The following C1QTNF6 variants were observed in gnomAD, a reference collection of about 807,000 sequenced individuals.
C1QTNF6 encodes the protein C1q and TNF related 6.
Under a neutral mutation model 20.7 loss-of-function variants are expected in C1QTNF6, and 17 were observed. The ratio of observed to expected loss-of-function variants is 0.82; its 90% CI spans 0.56 to 1.23. The LOEUF (loss-of-function observed/expected upper bound fraction) is 1.23, where lower values mean the gene tolerates loss of function less well. Among genes scored for constraint, C1QTNF6 ranks in the 50% most tolerant of loss-of-function variants. The pLI is 0.00. For missense variants in C1QTNF6, 329 were observed against 389.7 expected (o/e 0.84, Z 1.31); for synonymous variants, 130 against 156.3 (o/e 0.83, Z 1.25).
rs1054927189 is a variant in C1QTNF6 at position 37,184,908 on chromosome 22, C to T, written c.289+310G>A. Among the ~76,000 whole-genome samples the T allele has an allele frequency of 3.3e-5, 5 of 152,184 alleles. No individual in the cohort carries two copies. Among genetic ancestry groups the T allele is most frequent in the African/African-American group, 1.2e-4 (5 of 41,448 alleles). On this transcript the variant is annotated intron_variant, in intron 2 of 2. Coordinates refer to ENST00000337843, the MANE Select transcript of C1QTNF6 (RefSeq NM_031910.4). The surrounding 1 kb of genome is among the most constrained non-coding windows in gnomAD (Gnocchi z 4.0). Reference sequence around the variant, plus strand: ...ATGCAGCCTGCAGCCCAGACCCGCACTCCTGAAGCCCCTTTTCATTTCCCA... The same window carrying T: ...ATGCAGCCTGCAGCCCAGACCCGCATTCCTGAAGCCCCTTTTCATTTCCCA...
At chr22:37,193,337 A>C (rs1196535241) in intron 2 of C1QTNF6, among the ~76,000 whole-genome samples, 1 of 152,228 alleles carries the variant, frequency 6.6e-6, no homozygotes, top group Admixed American at 6.5e-5. Context: ...AGGAGAACAG[A>C]GGTTTCTCCC....
chr22:37,198,651 C>A (rs533533972), upstream of C1QTNF6, among the ~76,000 whole-genome samples: 1 of 152,302 alleles, frequency 6.6e-6, no homozygotes, highest in Non-Finnish European at 1.5e-5. Flanking sequence ...CTGGGCAGAG[C>A]CCCCGCGCCC....
At position 37,184,697 on chromosome 22, in the gene C1QTNF6, C is replaced by T. The variant is rs78686886; in HGVS notation, c.289+521G>A. Among the ~76,000 whole-genome samples the T allele has an allele frequency of 6.0e-3, 910 of 152,268 alleles. 16 individuals carry two copies. Among genetic ancestry groups the T allele is most frequent in the Middle Eastern group, 0.024 (7 of 294 alleles). Reference sequence around the variant, plus strand: ...CCCAAACCTGCCCCTGTTCCCACTCCACTCAGCGGAGCCCAAGTCCCTACA... The same window carrying T: ...CCCAAACCTGCCCCTGTTCCCACTCTACTCAGCGGAGCCCAAGTCCCTACA... On this transcript the variant is annotated intron_variant, in intron 2 of 2. Coordinates refer to ENST00000337843, the MANE Select transcript of C1QTNF6 (RefSeq NM_031910.4). This position sits in a 1 kb window ranked among gnomAD's most constrained non-coding sequence, Gnocchi z 4.0.
rs77643619 is a variant in C1QTNF6, at chr22:37,185,231, G to A, written c.276C>T (p.Ile92=). 3.2e-3 allele frequency: 5,091 copies of A among 1,566,592 alleles called. 10 individuals carry two copies. Among genetic ancestry groups the A allele is most frequent in the Non-Finnish European group, 3.8e-3 (4,352 of 1,152,146 alleles). ...GAGGGCACTCACCCTTCAGGATGGTGATATTAATGTAGGGTCTGATCTCAG... is the reference window on the plus strand; with the variant it reads ...GAGGGCACTCACCCTTCAGGATGGTAATATTAATGTAGGGTCTGATCTCAG... ...ALPEIRPYIN[I]TILKGDKGDP... The change falls in exon 2 of 3, where the codon ATC becomes ATT. Residue 92 remains isoleucine (I), a synonymous_variant. Coordinates refer to ENST00000337843, the MANE Select transcript of C1QTNF6 (RefSeq NM_031910.4).
chr22:37,182,938 G>C, intron 2 of C1QTNF6: 1 of 1,427,922 alleles, frequency 7.0e-7, no homozygotes, highest in Non-Finnish European at 9.1e-7. Context: ...TTCACAGAGA[G>C]GGTGAGTGAC....
chr22:37,187,422 T>C (rs1489504319), intron 1 of C1QTNF6, among the ~76,000 whole-genome samples: 2 of 152,176 alleles, frequency 1.3e-5, no homozygotes, highest in African/African-American at 4.8e-5. Flanking sequence ...AGACCCAGAA[T>C]AGTTTGCAAG....
rs553290788 is a variant in C1QTNF6 at position 37,184,023 on chromosome 22, C to T, written c.289+1195G>A. Among the ~76,000 whole-genome samples, 119 of 152,168 alleles carry T rather than the reference C, an allele frequency of 7.8e-4. 1 individual carries two copies. In the South Asian group the frequency reaches 0.011, roughly 14 times the overall value. On this transcript the variant is annotated intron_variant, in intron 2 of 2. Coordinates refer to ENST00000337843, the MANE Select transcript of C1QTNF6 (RefSeq NM_031910.4). This position sits in a 1 kb window ranked among gnomAD's most constrained non-coding sequence, Gnocchi z 4.0. ...CTCCCAGCAGGCTGCTGAGCTGGGC[C>T]CAGGAGCAGTGACCCTGGGTTTGGG...
upstream of C1QTNF6, among the ~76,000 whole-genome samples, chr22:37,192,078 A>G (rs1372124482): frequency 6.6e-6 from 1 of 152,240 alleles, no homozygotes; most frequent in Non-Finnish European, 1.5e-5. Context: ...TTCTTTTACA[A>G]GATTAATCTT....
rs1924064212 is a variant in C1QTNF6, at chr22:37,184,255, T to G, written c.289+963A>C. On this transcript the variant is annotated intron_variant, in intron 2 of 2. Transcript: ENST00000337843. The surrounding 1 kb of genome is among the most constrained non-coding windows in gnomAD (Gnocchi z 4.0). ...CCGGGGAGAGCTCAGGAACAAATCCTGGCTCCATCCCTGACAGCTGTGTGG... is the reference window on the plus strand; with the variant it reads ...CCGGGGAGAGCTCAGGAACAAATCCGGGCTCCATCCCTGACAGCTGTGTGG... 1.5e-6 allele frequency: 1 copy of G among 679,664 alleles called. No homozygotes were observed. Among genetic ancestry groups the G allele is most frequent in the Non-Finnish European group, 2.8e-6 (1 of 363,004 alleles). 42.1% of individuals were successfully genotyped at this position (679,664 alleles called of 1,614,324 possible).
At chr22:37,194,004 C>T (rs539203620) in intron 2 of C1QTNF6, among the ~76,000 whole-genome samples, 6 of 152,282 alleles carry the variant, frequency 3.9e-5, no homozygotes, top group Non-Finnish European at 7.4e-5. Context: ...CAATTTCAAG[C>T]GTGCAAAGGC....
chr22:37,190,823 C>T (rs1271761601), upstream of C1QTNF6: 1 of 152,084 alleles, frequency 6.6e-6, no homozygotes, highest in Non-Finnish European at 1.5e-5. Flanking sequence ...AAACATATTC[C>T]AAATTTTGTT....
chr22:37,184,630 G>C lies in C1QTNF6; in HGVS notation c.289+588C>G, dbSNP rs1000989623. 6.6e-6 allele frequency among the ~76,000 whole-genome samples: 1 copy of C among 152,084 alleles called. No homozygotes were observed. The highest frequency in any genetic ancestry group is 2.4e-5 in the African/African-American group (1 of 41,398). On this transcript the variant is annotated intron_variant, in intron 2 of 2. Coordinates refer to ENST00000337843, the MANE Select transcript of C1QTNF6 (RefSeq NM_031910.4). The surrounding 1 kb of genome is among the most constrained non-coding windows in gnomAD (Gnocchi z 4.0). ...TGGTTGCTCTCCACATGACATTAGA[G>C]GGATCCATTTGAAACCTGGGTGGGA...
At chr22:37,195,624 G>A (rs189543402) in intron 1 of C1QTNF6, 78 of 152,312 alleles carry the variant, frequency 5.1e-4, no homozygotes, top group Admixed American at 1.9e-3. Flanking sequence ...GACCACCCCT[G>A]AGCGCTGCTG....
chr22:37,181,900 G>A lies in C1QTNF6; in HGVS notation c.*288C>T, dbSNP rs1049170156. The stretch of plus-strand genomic sequence containing the variant: ...AGAATCTGCATTTAACACGAACCCC[G>A]GGTGATTCGCATGCATTTCCAAGTT... On this transcript the variant is annotated 3_prime_UTR_variant, in exon 3 of 3. Transcript: ENST00000337843. 3.6e-5 allele frequency: 16 copies of A among 441,742 alleles called. No individual in the cohort carries two copies. The highest frequency in any genetic ancestry group is 8.9e-5 in the South Asian group (3 of 33,788). The allele number at this position is 441,742 out of a possible 1,614,324, so 27.4% of individuals were successfully genotyped here.
intron 2 of C1QTNF6, among the ~76,000 whole-genome samples, chr22:37,183,704 C>T (rs1924005356): frequency 6.6e-6 from 1 of 152,216 alleles, no homozygotes; most frequent in African/African-American, 2.4e-5. Flanking sequence ...GAGAGCTGGG[C>T]AGGGCAAGGC....
chr22:37,184,548 A>ACAGCCC lies in C1QTNF6; in HGVS notation c.289+669_289+670insGGGCTG. On this transcript the variant is annotated intron_variant, in intron 2 of 2. Coordinates refer to ENST00000337843, the MANE Select transcript of C1QTNF6 (RefSeq NM_031910.4). The surrounding 1 kb of genome is among the most constrained non-coding windows in gnomAD (Gnocchi z 4.0). Reference sequence around the variant, plus strand: ...CCTCACCTGGACAGCCCTCACCTGGATGGCCCTCACCTGGACAGGCCCCAC... The same window carrying ACAGCCC: ...CCTCACCTGGACAGCCCTCACCTGGACAGCCCTGGCCCTCACCTGGACAGGCCCCAC... The ACAGCCC allele has an allele frequency of 2.9e-6, 2 of 699,506 alleles. No individual in the cohort carries two copies. The highest frequency in any genetic ancestry group is 2.7e-5 in the East Asian group (1 of 37,048). The allele number at this position is 699,506 out of a possible 1,614,324, so 43.3% of individuals were successfully genotyped here.
Position 37,185,890 on chromosome 22 carries a change from G to T in C1QTNF6, c.52-435C>A, listed in dbSNP as rs760107867. On this transcript the variant is annotated intron_variant, in intron 1 of 2. Coordinates refer to ENST00000337843, the MANE Select transcript of C1QTNF6 (RefSeq NM_031910.4). ...GCGCACCTCCCTCTGGCACTTTCTTGCCACCGACTCCACTATCTCCAGCAA... is the reference window on the plus strand; with the variant it reads ...GCGCACCTCCCTCTGGCACTTTCTTTCCACCGACTCCACTATCTCCAGCAA... The T allele has an allele frequency of 1.4e-4, 135 of 987,200 alleles. No homozygotes were observed. In the Middle Eastern group the frequency reaches 2.1e-3, roughly 15 times the overall value. 61.2% of individuals were successfully genotyped at this position (987,200 alleles called of 1,614,324 possible).
chr22:37,199,138 T>G (rs896830782), upstream of C1QTNF6, among the ~76,000 whole-genome samples: 2 of 152,146 alleles, frequency 1.3e-5, no homozygotes, highest in Admixed American at 1.3e-4. Context: ...GACAGAACAG[T>G]GGCAGAGCCT....
chr22:37,191,967 C>A (rs537416639), upstream of C1QTNF6, among the ~76,000 whole-genome samples: 3 of 152,252 alleles, frequency 2.0e-5, no homozygotes, highest in African/African-American at 7.2e-5. Context: ...AAGAGTATAC[C>A]AGTGCTCTAA....
Sources: gnomAD v4.1 joint callset for allele counts (sites outside exome capture counted in the v4.1 genomes callset) on GRCh38, gnomAD v4.1.1 for gene constraint, Gnocchi (gnomAD v3.1) non-coding constraint, MANE v1.5 for transcripts, NCBI Gene and HGNC (gene_info 2026-07-23, HGNC 2026-07-21) for gene names.